The following GET1 variants were observed in gnomAD, a reference collection of about 807,000 sequenced individuals.
GET1 encodes guided entry of tail-anchored proteins factor 1, also known as congenital heart disease 5 protein.
In GET1, 20 loss-of-function variants were observed where a neutral mutation model predicts 22.6. The observed-to-expected ratio is 0.89, with a 90% confidence interval of 0.62 to 1.29. GET1 has a LOEUF of 1.29. Ranked by LOEUF, GET1 falls within the 50% of genes most tolerant of loss-of-function variation. The pLI is 0.00. For missense variants in GET1, 209 were observed against 219.9 expected (o/e 0.95, Z 0.31); for synonymous variants, 92 against 83.8 (o/e 1.10, Z -0.53).
At chr21:39,420,427 A>G (rs192113749) in intron 1 of GET1, among the ~76,000 whole-genome samples, 6 of 151,606 alleles carry the variant, frequency 4.0e-5, no homozygotes, top group African/African-American at 1.2e-4. Context: ...GGAGGTTGAG[A>G]TAAGAGAATC....
rs929694951 is a variant in GET1, at chr21:39,391,065, A to T, written c.268+202A>T. On this transcript the variant is annotated intron_variant, in intron 2 of 4. Coordinates refer to ENST00000649170, the MANE Select transcript of GET1 (RefSeq NM_004627.6). ...ACCTTTGCTTTCTAAGCACAGAAAT[A>T]TCTAAGATCCTCTCAGATTTTCCTC... 8.6e-6 allele frequency: 4 copies of T among 464,578 alleles called. No individual in the cohort carries two copies. In the Admixed American group the frequency reaches 1.5e-4, roughly 17 times the overall value. The allele number at this position is 464,578 out of a possible 1,614,324, so 28.8% of individuals were successfully genotyped here. A position where few individuals can be genotyped will look rare whatever the true frequency, so the allele number is the denominator to read the frequency against.
At chr21:39,390,516 C>T (rs1180175721) in intron 1 of GET1, among the ~76,000 whole-genome samples, 182 bp from the exon 2 acceptor site, 1 of 152,162 alleles carries the variant, frequency 6.6e-6, no homozygotes, top group Non-Finnish European at 1.5e-5. Context: ...CCAGCAACAG[C>T]CTTTGCTCTT....
At chr21:39,386,997 C>T (rs2037949218) in intron 1 of GET1, among the ~76,000 whole-genome samples, 1 of 152,048 alleles carries the variant, frequency 6.6e-6, no homozygotes, top group South Asian at 2.1e-4. Flanking sequence ...GCCACACGGA[C>T]CACAGGCGTG....
rs781013685 is a variant in GET1 at position 39,428,383 on chromosome 21, A to G, written c.*175A>G. On this transcript the variant is annotated 3_prime_UTR_variant, in exon 2 of 2. Coordinates refer to the GET1 transcript ENST00000478273. ...TGGAAGCATTACTGTTCCGTGAAAA[A>G]TCGCCTGTGCCTGGGCTTCTCTTGC... 7 of 1,613,290 alleles carry G rather than the reference A, an allele frequency of 4.3e-6. No homozygotes were observed. The African/African-American group carries it at 8.0e-5, about 19-fold the overall frequency.
intron 3 of GET1, 122 bp downstream of exon 3, chr21:39,391,958 C>T (rs1460417922): frequency 7.9e-6 from 7 of 886,740 alleles, no homozygotes; most frequent in South Asian, 5.5e-5. Context: ...TGTCGTGTGT[C>T]CCTGCCCACA....
chr21:39,417,572 G>A (rs1364145627), intron 1 of GET1, among the ~76,000 whole-genome samples: 1 of 151,986 alleles, frequency 6.6e-6, no homozygotes, highest in Non-Finnish European at 1.5e-5. Context: ...TTTTCAGGCT[G>A]CTGATAAAGA....
chr21:39,415,783 G>T (rs2041033602), intron 1 of GET1, among the ~76,000 whole-genome samples: 1 of 152,138 alleles, frequency 6.6e-6, no homozygotes. Context: ...TTTCTGCTTT[G>T]CTATTTAATC....
intron 4 of GET1, among the ~76,000 whole-genome samples, chr21:39,395,049 GT>G (rs923769745): frequency 4.0e-5 from 6 of 151,736 alleles, no homozygotes. Context: ...AAAAAAAAAA[GT>G]TTTTTATAGA....
chr21:39,383,442 C>T (rs1373768144), intron 1 of GET1, among the ~76,000 whole-genome samples: 16 of 150,462 alleles, frequency 1.1e-4, no homozygotes, highest in Non-Finnish European at 2.1e-4. Flanking sequence ...CCACTATGCC[C>T]GGCTAATTTT....
downstream of GET1, among the ~76,000 whole-genome samples, chr21:39,407,007 G>A (rs1321780378): frequency 1.3e-5 from 2 of 152,168 alleles, no homozygotes; most frequent in African/African-American, 4.8e-5. Context: ...CAGGAGGACT[G>A]TTTGAGCCCA....
chr21:39,393,679 A>T (rs2038455223), intron 4 of GET1, among the ~76,000 whole-genome samples: 2 of 151,932 alleles, frequency 1.3e-5, no homozygotes, highest in South Asian at 4.1e-4. Context: ...ACTGAGTCTC[A>T]CTCCGTCACC....
chr21:39,390,388 C>G (rs1178360542), intron 1 of GET1, among the ~76,000 whole-genome samples: 3 of 152,160 alleles, frequency 2.0e-5, no homozygotes, highest in Non-Finnish European at 4.4e-5. Context: ...GGACATTTAC[C>G]TAGGGCTGTC....
chr21:39,390,603 A>C (rs2038235021), intron 1 of GET1, 95 bp from the exon 2 acceptor site: 4 of 1,497,660 alleles, frequency 2.7e-6, no homozygotes, highest in African/African-American at 1.4e-5. Context: ...TGGGTCACAG[A>C]GTGGTCAGGG....
intron 1 of GET1, chr21:39,381,040 C>T (rs775766837): frequency 3.7e-5 from 28 of 757,628 alleles, no homozygotes; most frequent in Non-Finnish European, 4.0e-5. Context: ...AGTACATTAC[C>T]TCTGTCTCAC....
At chr21:39,389,078 T>C (rs1051735594) in intron 1 of GET1, among the ~76,000 whole-genome samples, 2 of 152,114 alleles carry the variant, frequency 1.3e-5, no homozygotes, top group East Asian at 1.9e-4. Flanking sequence ...CTTCCTTCCT[T>C]CCTCCCTCCC....
chr21:39,380,946 A>G, intron 1 of GET1: 2 of 998,232 alleles, frequency 2.0e-6, no homozygotes, highest in Non-Finnish European at 2.4e-6. Flanking sequence ...AGACAGGTGT[A>G]GAGAGAATCT....
At chr21:39,423,700 C>A (rs1225448828) in intron 1 of GET1, among the ~76,000 whole-genome samples, 2 of 152,126 alleles carry the variant, frequency 1.3e-5, no homozygotes, top group Non-Finnish European at 2.9e-5. Context: ...TCATTTAATA[C>A]AATTCTTTAA....
chr21:39,404,435 T>A (rs2038936324), intron 4 of GET1, among the ~76,000 whole-genome samples: 1 of 152,148 alleles, frequency 6.6e-6, no homozygotes, highest in South Asian at 2.1e-4. Flanking sequence ...GTTAGCTGAA[T>A]AAGAGAAACT....
intron 1 of GET1, chr21:39,425,813 G>A (rs886525771): frequency 6.6e-6 from 1 of 152,394 alleles, no homozygotes; most frequent in African/African-American, 2.4e-5. Flanking sequence ...TGAGAAGGAT[G>A]CGTGATGGGA....
Sources: gnomAD v4.1 joint callset for allele counts (sites outside exome capture counted in the v4.1 genomes callset) on GRCh38, gnomAD v4.1.1 for gene constraint, MANE v1.5 for transcripts, NCBI Gene and HGNC (gene_info 2026-07-23, HGNC 2026-07-21) for gene names.